SORCS1: variants seen among roughly 807,000 people sequenced by gnomAD.
SORCS1 encodes the protein sortilin related VPS10 domain containing receptor 1.
SORCS1 carries 60 observed loss-of-function variants against 146.1 expected under a neutral mutation model. The ratio of observed to expected loss-of-function variants is 0.41; its 90% CI spans 0.33 to 0.51. The LOEUF is 0.51. Ranked by LOEUF, SORCS1 falls within the 20% of genes least tolerant of loss-of-function variation. The pLI is 0.21. For synonymous variants in SORCS1, 637 were observed against 584.0 expected (o/e 1.09, Z -1.31); for missense variants, 1,352 against 1,487.6 (o/e 0.91, Z 1.50).
chr10:107,144,940 T>C (rs1968182657), intron 1 of SORCS1, among the ~76,000 whole-genome samples: 1 of 152,222 alleles, frequency 6.6e-6, no homozygotes, highest in South Asian at 2.1e-4. Context: ...AAAGAATAGT[T>C]ACGTCAATAT....
chr10:106,585,342 A>G (rs999412490), intron 24 of SORCS1, among the ~76,000 whole-genome samples: 10 of 152,122 alleles, frequency 6.6e-5, no homozygotes, highest in Admixed American at 6.5e-4. Flanking sequence ...CAGGCCCCAG[A>G]TATTCTCACT....
chr10:106,730,653 C>G (rs1208798709), intron 5 of SORCS1, among the ~76,000 whole-genome samples: 1 of 152,112 alleles, frequency 6.6e-6, no homozygotes, highest in Admixed American at 6.5e-5. Context: ...ATAGATGCAC[C>G]TCACTTTCTG....
chr10:106,893,158 C>T (rs1188654744), intron 2 of SORCS1, among the ~76,000 whole-genome samples: 1 of 152,124 alleles, frequency 6.6e-6, no homozygotes, highest in African/African-American at 2.4e-5. Flanking sequence ...CCGCCTCAGC[C>T]TCCCAAAGTG....
At chr10:106,813,760 C>T (rs1589453646) in intron 3 of SORCS1, among the ~76,000 whole-genome samples, 1 of 152,116 alleles carries the variant, frequency 6.6e-6, no homozygotes, top group South Asian at 2.1e-4. Context: ...CATAGGGAGA[C>T]CATGTACCTA....
intron 17 of SORCS1, among the ~76,000 whole-genome samples, chr10:106,656,162 C>T (rs1850269673): frequency 6.6e-6 from 1 of 152,208 alleles, no homozygotes; most frequent in Non-Finnish European, 1.5e-5. Context: ...TAGCTATTCT[C>T]TTCCTCCCTA....
chr10:106,772,622 T>A (rs1860111903), intron 4 of SORCS1, among the ~76,000 whole-genome samples: 1 of 152,112 alleles, frequency 6.6e-6, no homozygotes, highest in South Asian at 2.1e-4. Flanking sequence ...ATCAAAAACC[T>A]TGGTTTGTGA....
intron 1 of SORCS1, among the ~76,000 whole-genome samples, chr10:107,162,362 G>A (rs1361433743): frequency 6.6e-6 from 1 of 152,212 alleles, no homozygotes; most frequent in Non-Finnish European, 1.5e-5. Flanking sequence ...ATCACTTAAA[G>A]CAGTGTGAAA....
intron 23 of SORCS1, among the ~76,000 whole-genome samples, chr10:106,605,817 C>G (rs1436458352): frequency 1.3e-5 from 2 of 152,110 alleles, no homozygotes; most frequent in South Asian, 4.1e-4. Flanking sequence ...TACAGGGGAG[C>G]CTTCTGCCAA....
At chr10:107,113,012 C>G (rs1434500502) in intron 1 of SORCS1, among the ~76,000 whole-genome samples, 1 of 152,198 alleles carries the variant, frequency 6.6e-6, no homozygotes, top group East Asian at 1.9e-4. Context: ...AATGAACTTA[C>G]CAGACTTACA....
rs558140375 is a variant in SORCS1 at position 106,761,479 on chromosome 10, A to G, written c.959+109T>C. The G allele has an allele frequency of 4.4e-6, 4 of 908,234 alleles. No individual in the cohort carries two copies. The East Asian group carries it at 7.6e-5, about 17-fold the overall frequency. The allele number at this position is 908,234 out of a possible 1,614,324, so 56.3% of individuals were successfully genotyped here. A position where few individuals can be genotyped will look rare whatever the true frequency, so the allele number is the denominator to read the frequency against. Reference sequence around the variant, plus strand: ...GGGATGTGGGCATGTCCCAATAAGAACAGACCTTATGTGAGAGCACTGGTG... The same window carrying G: ...GGGATGTGGGCATGTCCCAATAAGAGCAGACCTTATGTGAGAGCACTGGTG... On this transcript the variant is annotated intron_variant, in intron 5 of 25. Transcript: ENST00000263054.
intron 2 of SORCS1, among the ~76,000 whole-genome samples, chr10:106,897,008 A>G (rs1297168929): frequency 1.4e-5 from 2 of 146,742 alleles, no homozygotes; most frequent in Non-Finnish European, 3.0e-5. Flanking sequence ...CTCCTGCCTC[A>G]GCCTCCCGAG....
At chr10:106,771,916 G>T (rs138086265) in intron 4 of SORCS1, among the ~76,000 whole-genome samples, 128 of 152,206 alleles carry the variant, frequency 8.4e-4, no homozygotes, top group Admixed American at 3.5e-3. Context: ...TGGGTAAAAG[G>T]CTCCACACAT....
intron 2 of SORCS1, among the ~76,000 whole-genome samples, chr10:106,953,637 G>A (rs76650964): frequency 0.012 from 1,855 of 152,158 alleles, 19 homozygotes; most frequent in Non-Finnish European, 0.019. Context: ...CACAAACCTC[G>A]AAGGTATAGC....
chr10:106,796,587 A>C (rs1946566140), intron 3 of SORCS1, among the ~76,000 whole-genome samples: 1 of 152,200 alleles, frequency 6.6e-6, no homozygotes, highest in African/African-American at 2.4e-5. Context: ...CTCAGCCTTT[A>C]GGCTAAATAT....
chr10:106,989,673 TTTTTTTG>T (rs1449091820), intron 1 of SORCS1, among the ~76,000 whole-genome samples: 14 of 82,314 alleles, frequency 1.7e-4, no homozygotes, highest in African/African-American at 5.2e-4. Flanking sequence ...TTTTTCTGTT[TTTTTTTG>T]TTTTTTTTTT....
At chr10:106,645,310 G>A (rs915297690) in intron 18 of SORCS1, among the ~76,000 whole-genome samples, 6 of 151,950 alleles carry the variant, frequency 3.9e-5, no homozygotes, top group African/African-American at 1.4e-4. Flanking sequence ...CTGGGACTAC[G>A]GGCACGTGCC....
chr10:106,738,710 T>TG (rs769317425), intron 5 of SORCS1, among the ~76,000 whole-genome samples: 11 of 152,204 alleles, frequency 7.2e-5, no homozygotes, highest in Non-Finnish European at 1.3e-4. Flanking sequence ...TTAAAGGAAT[T>TG]GCTCAGCGCA....
At chr10:106,631,726 T>C (rs754562385) in intron 18 of SORCS1, among the ~76,000 whole-genome samples, 6 of 152,190 alleles carry the variant, frequency 3.9e-5, no homozygotes, top group East Asian at 1.9e-4. Context: ...TCAGCCTCCA[T>C]TGAGAGACAG....
intron 1 of SORCS1, among the ~76,000 whole-genome samples, chr10:107,009,522 C>G (rs1251486241): frequency 6.6e-6 from 1 of 152,030 alleles, no homozygotes. Context: ...TTTTTAGTAG[C>G]AAAATAAGCA....
Sources: gnomAD v4.1 joint callset for allele counts (sites outside exome capture counted in the v4.1 genomes callset) on GRCh38, gnomAD v4.1.1 for gene constraint, MANE v1.5 for transcripts, NCBI Gene and HGNC (gene_info 2026-07-23, HGNC 2026-07-21) for gene names.